Variants in PCNX2 observed in about 807,000 individuals in gnomAD.
The protein encoded by PCNX2 is pecanex 2.
PCNX2 carries 168 observed loss-of-function variants against 223.8 expected under a neutral mutation model. That is an observed-to-expected ratio of 0.75 (90% CI 0.66 to 0.85). The LOEUF is 0.85. PCNX2 is among the 40% of genes least tolerant of loss of function. The pLI is 0.00. For synonymous variants in PCNX2, 1,006 were observed against 1,052.6 expected (o/e 0.96, Z 0.86); for missense variants, 2,507 against 2,675.5 (o/e 0.94, Z 1.39).
rs201994223 is a variant in PCNX2, at chr1:233,002,652, AT to A, written c.4953-972del. On this transcript the variant is annotated intron_variant, in intron 28 of 33. Coordinates refer to ENST00000258229, the MANE Select transcript of PCNX2 (RefSeq NM_014801.4). ...ACTTTCTTCACAGAATTAGAAAAAA[AT>A]ATTTTAATTTCATATGGAACCAGAA... Among the ~76,000 whole-genome samples the A allele has an allele frequency of 4.2e-3, 636 of 152,304 alleles. 11 individuals are homozygous for A. Among genetic ancestry groups the A allele is most frequent in the Admixed American group, 0.036 (549 of 15,286 alleles).
At chr1:233,066,362 C>T (rs1380003118) in intron 23 of PCNX2, among the ~76,000 whole-genome samples, 2 of 152,238 alleles carry the variant, frequency 1.3e-5, no homozygotes, top group Non-Finnish European at 2.9e-5. Context: ...TCCAGGCTTC[C>T]TGAGCCAGAG....
At chr1:233,283,073 A>G (rs73093231) in intron 1 of PCNX2, among the ~76,000 whole-genome samples, 3,774 of 152,200 alleles carry the variant, frequency 0.025, 165 homozygotes, top group African/African-American at 0.085. Context: ...CTTTTCCTTA[A>G]AGATTTGTCT....
intron 28 of PCNX2, among the ~76,000 whole-genome samples, chr1:233,012,426 T>C (rs1460198439): frequency 6.6e-6 from 1 of 152,020 alleles, no homozygotes; most frequent in Non-Finnish European, 1.5e-5. Flanking sequence ...AAAGAAGTTG[T>C]CTTTTGTAAG....
intron 25 of PCNX2, among the ~76,000 whole-genome samples, chr1:233,026,464 G>C (rs1671084374): frequency 6.6e-6 from 1 of 152,198 alleles, no homozygotes; most frequent in Admixed American, 6.5e-5. Flanking sequence ...TTATGTCTTA[G>C]GAGGACCACT....
chr1:233,179,287 C>T (rs1679660599), intron 15 of PCNX2, 112 bp from the exon 16 acceptor site: 2 of 1,115,404 alleles, frequency 1.8e-6, no homozygotes, highest in African/African-American at 3.1e-5. Flanking sequence ...TGAGTTATTC[C>T]CATGATTATT....
At chr1:233,237,080 G>T in intron 8 of PCNX2, 100 bp from the exon 9 acceptor site, 1 of 1,458,674 alleles carries the variant, frequency 6.9e-7, no homozygotes, top group Non-Finnish European at 9.3e-7. Context: ...CCCAAAGCAG[G>T]TAGTGGATGA....
chr1:233,318,415 T>G, the PCNX2 span, among the ~76,000 whole-genome samples: 1 of 152,058 alleles, frequency 6.6e-6, no homozygotes, highest in Non-Finnish European at 1.5e-5. Flanking sequence ...CTTTCTCAGC[T>G]CCTTCCAAGA....
chr1:233,001,526 T>C lies in PCNX2; in HGVS notation c.5097+11A>G. The C allele has an allele frequency of 1.6e-6, 2 of 1,282,058 alleles. No homozygotes were observed. Among genetic ancestry groups the C allele is most frequent in the East Asian group, 3.1e-5 (1 of 32,574 alleles). The allele number at this position is 1,282,058 out of a possible 1,614,324, so 79.4% of individuals were successfully genotyped here. On this transcript the variant is annotated intron_variant, in intron 29 of 33. Coordinates refer to ENST00000258229, the MANE Select transcript of PCNX2 (RefSeq NM_014801.4). This position sits in a 1 kb window ranked among gnomAD's most constrained non-coding sequence, Gnocchi z 4.2. Reference sequence around the variant, plus strand: ...TAAATAAATAAATAAATAAATAAAATAGGTTTTTACCTGGTGAAGTTTCAG... The same window carrying C: ...TAAATAAATAAATAAATAAATAAAACAGGTTTTTACCTGGTGAAGTTTCAG...
At chr1:233,061,306 T>C (rs1672396347) in intron 23 of PCNX2, among the ~76,000 whole-genome samples, 1 of 152,228 alleles carries the variant, frequency 6.6e-6, no homozygotes, top group Non-Finnish European at 1.5e-5. Context: ...ATGCACAAGG[T>C]ACAGCTAGGT....
chr1:233,137,391 C>A (rs1676873194), intron 20 of PCNX2, among the ~76,000 whole-genome samples: 1 of 152,206 alleles, frequency 6.6e-6, no homozygotes, highest in Non-Finnish European at 1.5e-5. Flanking sequence ...CAGGCTCCAG[C>A]CACTGGATGC....
At chr1:233,149,690 G>A (rs1031369236) in intron 19 of PCNX2, among the ~76,000 whole-genome samples, 1 of 152,134 alleles carries the variant, frequency 6.6e-6, no homozygotes, top group Non-Finnish European at 1.5e-5. Flanking sequence ...CTAGAAACAG[G>A]ATTCACTTAC....
At chr1:233,267,003 G>GTTTTTTTTTTTCTCTACTCTGTT (rs112063659) in intron 1 of PCNX2, among the ~76,000 whole-genome samples, 1 of 150,690 alleles carries the variant, frequency 6.6e-6, no homozygotes, top group Non-Finnish European at 1.5e-5. Context: ...TCACTACTCT[G>GTTTTTTTTTTTCTCTACTCTGTT]TTTTTTTTTC....
chr1:233,289,480 G>C, intron 1 of PCNX2: 1 of 933,462 alleles, frequency 1.1e-6, no homozygotes, highest in Admixed American at 1.9e-5. Flanking sequence ...CCGAGCGCCG[G>C]CTTAGGAAGA....
At chr1:233,015,247 C>T (rs142665548) in intron 27 of PCNX2, among the ~76,000 whole-genome samples, 1 of 152,290 alleles carries the variant, frequency 6.6e-6, no homozygotes, top group African/African-American at 2.4e-5. Context: ...CCACAATCAA[C>T]AACCAAATTA....
At chr1:233,243,833 AT>A (rs973000168) in intron 8 of PCNX2, among the ~76,000 whole-genome samples, 1 of 147,636 alleles carries the variant, frequency 6.8e-6, no homozygotes, top group Admixed American at 6.6e-5. Context: ...TTTATTTTTT[AT>A]TTTTTATTTT....
intron 24 of PCNX2, chr1:233,054,706 G>A (rs989032834): frequency 4.6e-5 from 21 of 458,864 alleles, no homozygotes; most frequent in African/African-American, 1.2e-4. Context: ...AAGCAGCATC[G>A]ATTTATATAT....
chr1:233,309,096 G>C, the PCNX2 span, among the ~76,000 whole-genome samples: 2 of 151,984 alleles, frequency 1.3e-5, no homozygotes, highest in Non-Finnish European at 2.9e-5. Flanking sequence ...TGTGTGATAA[G>C]GGAAGCTCAA....
intron 21 of PCNX2, among the ~76,000 whole-genome samples, chr1:233,115,029 T>C (rs1328328985): frequency 1.3e-5 from 2 of 151,934 alleles, no homozygotes; most frequent in African/African-American, 2.4e-5. Context: ...CAGGAGCCGA[T>C]CCCACGTGGG....
intron 1 of PCNX2, among the ~76,000 whole-genome samples, chr1:233,276,637 C>T (rs1385834790): frequency 2.6e-5 from 4 of 152,222 alleles, no homozygotes; most frequent in Non-Finnish European, 5.9e-5. Context: ...GAACCAGTTC[C>T]TCAGAGAGCT....
Sources: allele counts gnomAD v4.1 joint callset (sites outside exome capture counted in the v4.1 genomes callset), GRCh38; gene constraint gnomAD v4.1.1; non-coding constraint Gnocchi (gnomAD v3.1); transcripts MANE v1.5; gene names NCBI Gene and HGNC (gene_info 2026-07-23, HGNC 2026-07-21).